Variants in PSD3 observed in about 807,000 individuals in gnomAD.
The protein encoded by PSD3 is pleckstrin and Sec7 domain containing 3, also known as PH and SEC7 domain-containing protein 3.
PSD3 carries 49 observed loss-of-function variants against 105.5 expected under a neutral mutation model. The observed-to-expected ratio is 0.46, with a 90% CI of 0.37 to 0.59. The LOEUF (loss-of-function observed/expected upper bound fraction) is 0.59, where lower values mean the gene tolerates loss of function less well. Ranked by LOEUF, PSD3 falls within the 20% of genes least tolerant of loss-of-function variation. The pLI is 0.00. For missense variants in PSD3, 1,561 were observed against 1,263.8 expected (o/e 1.24, Z -3.57); for synonymous variants, 557 against 457.8 (o/e 1.22, Z -2.77).
exon 1 of PSD3, chr8:19,084,579 A>T (rs1309009755): frequency 2.8e-6 from 1 of 360,556 alleles, no homozygotes; most frequent in Non-Finnish European, 5.6e-6. Flanking sequence ...TAGCCAGCCC[A>T]GTGTCTTGGA....
chr8:18,905,755 T>G (rs1165744680), intron 2 of PSD3, among the ~76,000 whole-genome samples: 3 of 152,220 alleles, frequency 2.0e-5, no homozygotes, highest in Non-Finnish European at 4.4e-5. Flanking sequence ...CATAGTATTC[T>G]GAAGTCAAAA....
intron 1 of PSD3, among the ~76,000 whole-genome samples, chr8:19,029,546 AG>A (rs1827683626): frequency 6.6e-6 from 1 of 152,152 alleles, no homozygotes; most frequent in African/African-American, 2.4e-5. Context: ...AGCAAGGAGA[AG>A]GGCAGAGCAA....
At chr8:18,892,223 T>C (rs1472790309) in intron 2 of PSD3, among the ~76,000 whole-genome samples, 4 of 149,184 alleles carry the variant, frequency 2.7e-5, no homozygotes, top group East Asian at 2.0e-4. Context: ...ATAAACCATA[T>C]AAACTTTTTT....
chr8:18,689,442 T>C (rs751682474), intron 9 of PSD3, among the ~76,000 whole-genome samples: 1 of 152,086 alleles, frequency 6.6e-6, no homozygotes. Context: ...GACTGAGGTA[T>C]GAACTCTGGA....
chr8:19,044,387 C>G (rs983847195), intron 1 of PSD3, among the ~76,000 whole-genome samples: 11 of 152,050 alleles, frequency 7.2e-5, no homozygotes, highest in Non-Finnish European at 1.3e-4. Context: ...AGCTTTGGAG[C>G]GTCAGATAGG....
chr8:18,549,344 G>A (rs1367314573), intron 15 of PSD3, among the ~76,000 whole-genome samples: 1 of 151,996 alleles, frequency 6.6e-6, no homozygotes, highest in Non-Finnish European at 1.5e-5. Context: ...ACAACACCTG[G>A]CTAATTTTGT....
At chr8:18,702,366 A>G (rs187332717) in intron 9 of PSD3, among the ~76,000 whole-genome samples, 19 of 152,256 alleles carry the variant, frequency 1.2e-4, no homozygotes, top group African/African-American at 4.3e-4. Context: ...TGAGATGGAA[A>G]TCATGTAAAA....
intron 11 of PSD3, among the ~76,000 whole-genome samples, chr8:18,614,736 C>T (rs1805531352): frequency 6.6e-6 from 1 of 152,072 alleles, no homozygotes. Context: ...TCAAGCAATC[C>T]TCCCACCTCA....
chr8:18,539,533 A>G (rs867884910), intron 15 of PSD3, among the ~76,000 whole-genome samples: 21 of 151,106 alleles, frequency 1.4e-4, no homozygotes, highest in African/African-American at 3.7e-4. Flanking sequence ...AGCAAGAAGT[A>G]TATTAGTAAA....
intron 1 of PSD3, among the ~76,000 whole-genome samples, chr8:18,986,903 G>A (rs1289818391): frequency 1.5e-4 from 23 of 151,994 alleles, no homozygotes; most frequent in Admixed American, 1.5e-3. Flanking sequence ...ACACACCGTG[G>A]GCCTACTTTA....
intron 12 of PSD3, among the ~76,000 whole-genome samples, chr8:18,599,791 G>C (rs565929188): frequency 4.0e-4 from 61 of 152,230 alleles, no homozygotes; most frequent in Non-Finnish European, 5.1e-4. Context: ...AGTATGTGGG[G>C]ACTTTGGTAT....
At chr8:18,621,138 T>C (rs1231743398) in intron 11 of PSD3, among the ~76,000 whole-genome samples, 1 of 152,198 alleles carries the variant, frequency 6.6e-6, no homozygotes, top group African/African-American at 2.4e-5. Flanking sequence ...CCAGGCACGG[T>C]GGCTCACGCC....
chr8:18,660,829 T>A (rs1427247220), intron 9 of PSD3, among the ~76,000 whole-genome samples: 1 of 152,166 alleles, frequency 6.6e-6, no homozygotes, highest in African/African-American at 2.4e-5. Flanking sequence ...ATCACATACC[T>A]CTCTCGACAC....
At chr8:18,649,073 T>C (rs1808273662) in intron 10 of PSD3, among the ~76,000 whole-genome samples, 1 of 152,050 alleles carries the variant, frequency 6.6e-6, no homozygotes, top group African/African-American at 2.4e-5. Context: ...AAATGTGGGG[T>C]TGGTGCCCCA....
At chr8:18,719,098 A>C (rs1380275786) in intron 9 of PSD3, among the ~76,000 whole-genome samples, 1 of 152,210 alleles carries the variant, frequency 6.6e-6, no homozygotes, top group Non-Finnish European at 1.5e-5. Context: ...ATCGAAAATT[A>C]GGTGGCTGTG....
chr8:18,635,769 C>A (rs922045682), intron 10 of PSD3, among the ~76,000 whole-genome samples: 2 of 151,140 alleles, frequency 1.3e-5, no homozygotes, highest in Non-Finnish European at 2.9e-5. Flanking sequence ...TCATTCTCAG[C>A]AAACTAACAC....
rs554892626 is a variant in PSD3, at chr8:18,803,860, G to A, written c.1910+662C>T. Among the ~76,000 whole-genome samples, 99 of 152,172 alleles carry A rather than the reference G, an allele frequency of 6.5e-4. 2 individuals are homozygous for A. In the South Asian group the frequency reaches 0.02, roughly 30 times the overall value. On this transcript the variant is annotated intron_variant, in intron 6 of 15. Transcript: ENST00000327040. Reference sequence around the variant, plus strand: ...GAGAATCATGGAGATGGACGGTGGTGACGGCTGGACAACATTATGAATGTT... The same window carrying A: ...GAGAATCATGGAGATGGACGGTGGTAACGGCTGGACAACATTATGAATGTT...
intron 11 of PSD3, among the ~76,000 whole-genome samples, chr8:18,614,102 C>A (rs978568723): frequency 9.9e-5 from 15 of 152,192 alleles, no homozygotes; most frequent in Admixed American, 7.9e-4. Context: ...TTTGTCATCT[C>A]TTCTTAGTTG....
At chr8:18,616,628 C>CTTTTTCTTTTTTTT (rs1554523533) in intron 11 of PSD3, among the ~76,000 whole-genome samples, 1 of 126,776 alleles carries the variant, frequency 7.9e-6, no homozygotes, top group Admixed American at 8.3e-5. Flanking sequence ...CTTTTCTTTT[C>CTTTTTCTTTTTTTT]TTTTTTTTTT....
Sources: gnomAD v4.1 joint callset for allele counts (sites outside exome capture counted in the v4.1 genomes callset) on GRCh38, gnomAD v4.1.1 for gene constraint, MANE v1.5 for transcripts, NCBI Gene and HGNC (gene_info 2026-07-23, HGNC 2026-07-21) for gene names.